The following DDX17 variants were observed in gnomAD, a reference collection of about 807,000 sequenced individuals.
DDX17 encodes the protein DEAD-box helicase 17.
A neutral mutation model predicts 80.8 loss-of-function variants in DDX17; 10 were observed. The ratio of observed to expected loss-of-function variants is 0.12; its 90% CI spans 0.08 to 0.21. DDX17 has a LOEUF of 0.21. DDX17 is among the 10% of genes least tolerant of loss of function. The pLI, the probability that DDX17 is intolerant of heterozygous loss-of-function variation, is 1.00. For synonymous variants in DDX17, 339 were observed against 336.2 expected, an observed-to-expected ratio of 1.01 and a Z score of -0.09; for missense variants, 586 against 957.4, an observed-to-expected ratio of 0.61 and a Z score of 5.12.
rs2089883122 is a variant in DDX17, at chr22:38,506,247, C to T, written c.-10G>A. Reference sequence around the variant, plus strand: ...CAAAGCCGGTGGGCAGGTTTGGCTACGCTCAAACCGGGCAGTGCCGCGGTT... The same window carrying T: ...CAAAGCCGGTGGGCAGGTTTGGCTATGCTCAAACCGGGCAGTGCCGCGGTT... On this transcript the variant is annotated 5_prime_UTR_variant, in exon 1 of 13. Transcript: ENST00000403230. 6 of 1,596,024 alleles carry T rather than the reference C, an allele frequency of 3.8e-6. No individual in the cohort carries two copies. The highest frequency in any genetic ancestry group is 1.4e-5 in the African/African-American group (1 of 74,012).
intron 10 of DDX17, among the ~76,000 whole-genome samples, chr22:38,493,000 G>A (rs1044936357): frequency 6.6e-6 from 1 of 152,100 alleles, no homozygotes; most frequent in African/African-American, 2.4e-5. Flanking sequence ...TATTAATAAA[G>A]GGAGGGTGGT....
rs929794310 is a variant in DDX17 at position 38,496,943 on chromosome 22, A to G, written c.739-1006T>C. On this transcript the variant is annotated intron_variant, in intron 5 of 12. Coordinates refer to ENST00000403230, the MANE Select transcript of DDX17 (RefSeq NM_006386.5). ...AGTACTGCATTATTTCTTTTTGTGA[A>G]TATCTTGAGACATATTGTACATGTT... Among the ~76,000 whole-genome samples, 15 of 152,200 alleles carry G rather than the reference A, an allele frequency of 9.9e-5. 1 individual carries two copies. The highest frequency in any genetic ancestry group is 2.2e-4 in the Non-Finnish European group (15 of 68,040).
At chr22:38,500,303 A>G (rs1330915127) in intron 2 of DDX17, among the ~76,000 whole-genome samples, 1 of 152,208 alleles carries the variant, frequency 6.6e-6, no homozygotes, top group Non-Finnish European at 1.5e-5. Context: ...AATTAAATGC[A>G]TATTTAAACT....
chr22:38,496,057 A>C (rs911490261), intron 5 of DDX17, 120 bp from the exon 6 acceptor site: 5 of 892,054 alleles, frequency 5.6e-6, no homozygotes, highest in East Asian at 6.0e-5. Flanking sequence ...TAGCACATTA[A>C]AAGTGATGGG....
chr22:38,500,996 A>C, intron 2 of DDX17, 134 bp downstream of exon 2: 1 of 1,248,780 alleles, frequency 8.0e-7, no homozygotes, highest in Non-Finnish European at 1.1e-6. Context: ...AAAATTAACC[A>C]AAAAATTTTT....
rs2089689935 is a variant in DDX17 at position 38,489,101 on chromosome 22, CAAAG to C, written c.1448-990_1448-987del. The C allele has an allele frequency of 2.0e-6, 2 of 983,982 alleles. No individual in the cohort carries two copies. Among genetic ancestry groups the C allele is most frequent in the South Asian group, 4.7e-5 (1 of 21,264 alleles). The allele number at this position is 983,982 out of a possible 1,614,324, so 61.0% of individuals were successfully genotyped here. A position where few individuals can be genotyped will look rare whatever the true frequency, so the allele number is the denominator to read the frequency against. On this transcript the variant is annotated intron_variant, in intron 11 of 12. Transcript: ENST00000403230. The surrounding 1 kb of genome is among the most constrained non-coding windows in gnomAD (Gnocchi z 4.6). ...TAAACAAACAATTTTAAGAATATAA[CAAAG>C]AATCCTACTGTTTTGTGGAAAAAAA...
rs775575639 is a variant in DDX17, at chr22:38,484,403, T to A, written c.*1532A>T. 3.9e-5 allele frequency: 6 copies of A among 152,206 alleles called. No homozygotes were observed. The highest frequency in any genetic ancestry group is 7.3e-5 in the Non-Finnish European group (5 of 68,042). The allele number at this position is 152,206 out of a possible 1,614,324, so 9.4% of individuals were successfully genotyped here. A position where few individuals can be genotyped will look rare whatever the true frequency, so the allele number is the denominator to read the frequency against. ...TTCAGAACCCCTCAGAAACCATCCC[T>A]CTCTCCCTAAAGAATTTTAAAAGGA... is the stretch of plus-strand genomic sequence containing the variant. On this transcript the variant is annotated 3_prime_UTR_variant, in exon 13 of 13. Coordinates refer to ENST00000403230, the MANE Select transcript of DDX17 (RefSeq NM_006386.5).
At chr22:38,498,636 A>G in intron 3 of DDX17, 63 bp from the exon 4 acceptor site, 1 of 1,575,514 alleles carries the variant, frequency 6.3e-7, no homozygotes, top group Non-Finnish European at 8.7e-7. Context: ...AGAGTTTTTA[A>G]AAAAACTTTT....
intron 2 of DDX17, 142 bp downstream of exon 2, chr22:38,500,988 A>ATT: frequency 8.4e-7 from 1 of 1,194,608 alleles, no homozygotes. Context: ...AAAAAAAAAA[A>ATT]ATTAACCAAA....
intron 10 of DDX17, 112 bp downstream of exon 10, chr22:38,493,598 C>T: frequency 1.2e-6 from 1 of 824,548 alleles, no homozygotes; most frequent in East Asian, 2.6e-5. Context: ...GCCAAGCATA[C>T]TTACTATGTG....
Position 38,495,886 on chromosome 22 carries a change from C to A in DDX17, c.790G>T (p.Ala264Ser). Reference sequence around the variant, plus strand: ...CTAGAACATTTGCCATAGTCATCGGCCACCTGCTGTACTTGCTGGGCAAGC... The same window carrying A: ...CTAGAACATTTGCCATAGTCATCGGACACCTGCTGTACTTGCTGGGCAAGC... Residue 264 changes from alanine (A) to serine (S), a missense_variant, in exon 6 of 13, where the codon GCC (alanine) becomes TCC (serine). By Grantham distance (99) the Ala-to-Ser change is moderately conservative. Around this residue, in one of 4 missense-constraint regions of DDX17, gnomAD observed 141 missense variants for 379.3 expected, o/e 0.37. Coordinates refer to ENST00000403230, the MANE Select transcript of DDX17 (RefSeq NM_006386.5). 1 of 1,611,570 alleles carries A rather than the reference C, an allele frequency of 6.2e-7. No individual in the cohort carries two copies. The highest frequency in any genetic ancestry group is 8.5e-7 in the Non-Finnish European group (1 of 1,179,024).
chr22:38,498,673 A>G, intron 3 of DDX17, 100 bp from the exon 4 acceptor site: 1 of 1,295,568 alleles, frequency 7.7e-7, no homozygotes, highest in Non-Finnish European at 1.1e-6. Flanking sequence ...AGATTTACCC[A>G]GCTTCATCTC....
rs145506963 is a variant in DDX17, at chr22:38,488,924, T to C, written c.1448-809A>G. On this transcript the variant is annotated intron_variant, in intron 11 of 12. Transcript: ENST00000403230. ...TGTCTACGTGACCTGGGAAATTAAA[T>C]TAATAGCCAAAGAACGTGGGAAAAC... is the stretch of plus-strand genomic sequence containing the variant. 6 of 985,392 alleles carry C rather than the reference T, an allele frequency of 6.1e-6. No individual in the cohort carries two copies. The East Asian group carries it at 6.8e-4, about 112-fold the overall frequency. 61.0% of individuals were successfully genotyped at this position (985,392 alleles called of 1,614,324 possible). A position where few individuals can be genotyped will look rare whatever the true frequency, so the allele number is the denominator to read the frequency against.
In DDX17 at chr22:38,485,944, TGAA is replaced by T. The variant is rs779335197; in HGVS notation, c.2178_2180del (p.Ser727del). The stretch of plus-strand genomic sequence containing the variant: ...TACCACTTGAGTGGTTTCATTTACG[TGAA>T]GGAGGAGGAGGGGGAGGAGGAGGAG... On this transcript the variant is annotated inframe_deletion, in exon 13 of 13. Coordinates refer to ENST00000403230, the MANE Select transcript of DDX17 (RefSeq NM_006386.5). 13 of 1,612,054 alleles carry T rather than the reference TGAA, an allele frequency of 8.1e-6. No individual in the cohort carries two copies. The highest frequency in any genetic ancestry group is 3.3e-5 in the South Asian group (3 of 90,972).
In DDX17 at chr22:38,493,844, C is replaced by T. The variant is rs538333991; in HGVS notation, c.1326-73G>A. The T allele has an allele frequency of 4.6e-4, 675 of 1,472,834 alleles. 1 individual carries two copies. The highest frequency in any genetic ancestry group is 5.8e-4 in the Non-Finnish European group (614 of 1,055,162). 91.2% of individuals were successfully genotyped at this position (1,472,834 alleles called of 1,614,324 possible). A position where few individuals can be genotyped will look rare whatever the true frequency, so the allele number is the denominator to read the frequency against. On this transcript the variant is annotated intron_variant, in intron 9 of 12. Coordinates refer to ENST00000403230, the MANE Select transcript of DDX17 (RefSeq NM_006386.5). ...GAAAATCGAACTTTAAAGCCAAATG[C>T]TATCATGCAATTTTTGTAAGGTTTG... is the stretch of plus-strand genomic sequence containing the variant.
Position 38,490,238 on chromosome 22 carries a change from A to G in DDX17, c.1447+1818T>C, listed in dbSNP as rs371246348. 37 of 1,235,302 alleles carry G rather than the reference A, an allele frequency of 3.0e-5. No homozygotes were observed. In the East Asian group the frequency reaches 1.6e-3, roughly 53 times the overall value. The allele number at this position is 1,235,302 out of a possible 1,614,324, so 76.5% of individuals were successfully genotyped here. On this transcript the variant is annotated intron_variant, in intron 11 of 12. Coordinates refer to ENST00000403230, the MANE Select transcript of DDX17 (RefSeq NM_006386.5). ...TTCTAGAAGATGCTGTAGCAGGGTAAGAAATCCAAAGTTAATGTTTTGGCC... is the reference window on the plus strand; with the variant it reads ...TTCTAGAAGATGCTGTAGCAGGGTAGGAAATCCAAAGTTAATGTTTTGGCC...
rs374492229 is a variant in DDX17, at chr22:38,488,202, C to T, written c.1448-87G>A. 20 of 1,604,832 alleles carry T rather than the reference C, an allele frequency of 1.2e-5. No homozygotes were observed. In the Admixed American group the frequency reaches 1.3e-4, roughly 11 times the overall value. On this transcript the variant is annotated intron_variant, in intron 11 of 12. Coordinates refer to ENST00000403230, the MANE Select transcript of DDX17 (RefSeq NM_006386.5). The stretch of plus-strand genomic sequence containing the variant: ...ACATGCCAACAACAGGTGGGAAGCA[C>T]GAATGCAGATGACAGCAAGAGGAAA...
At chr22:38,499,281 A>C (rs2089802757) in intron 3 of DDX17, 119 bp downstream of exon 3, 2 of 746,324 alleles carry the variant, frequency 2.7e-6, no homozygotes, top group Non-Finnish European at 4.6e-6. Flanking sequence ...TGACCATAAA[A>C]ACAATCTCTT....
chr22:38,504,615 C>T (rs2089861574), intron 1 of DDX17, among the ~76,000 whole-genome samples: 2 of 152,144 alleles, frequency 1.3e-5, no homozygotes, highest in Non-Finnish European at 2.9e-5. Context: ...TATTTTCCTT[C>T]CTAATAAGGT....
Sources: gnomAD v4.1 joint callset for allele counts (sites outside exome capture counted in the v4.1 genomes callset) on GRCh38, gnomAD v4.1.1 for gene constraint, gnomAD v4.1.1 regional missense constraint, Gnocchi (gnomAD v3.1) non-coding constraint, MANE v1.5 for transcripts, NCBI Gene and HGNC (gene_info 2026-07-23, HGNC 2026-07-21) for gene names.